RPH3AL: variants seen among roughly 807,000 people sequenced by gnomAD.
RPH3AL encodes the protein rab effector Noc2.
RPH3AL carries 38 observed loss-of-function variants against 43.1 expected under a neutral mutation model. That is an observed-to-expected ratio of 0.88 (90% CI 0.68 to 1.15). The LOEUF is 1.15. RPH3AL is among the 50% of genes most tolerant of loss of function. RPH3AL has a pLI of 0.00. For missense variants in RPH3AL, 462 were observed against 423.2 expected (o/e 1.09, Z -0.81); for synonymous variants, 189 against 176.3 (o/e 1.07, Z -0.57).
chr17:247,360 GGGAGGCA>G, intron 6 of RPH3AL, 75 bp from the exon 7 acceptor site: 1 of 1,422,844 alleles, frequency 7.0e-7, no homozygotes, highest in Non-Finnish European at 9.3e-7. Context: ...CCCAGATGAC[GGGAGGCA>G]GGACGCGGAG....
intron 5 of RPH3AL, among the ~76,000 whole-genome samples, chr17:313,364 G>A (rs1425577493): frequency 6.6e-6 from 1 of 152,206 alleles, no homozygotes; most frequent in Admixed American, 6.5e-5. Context: ...TCCTGACCTT[G>A]ACTGGCGAGG....
intron 5 of RPH3AL, among the ~76,000 whole-genome samples, chr17:286,941 T>TCTCTCCACCGTCAGACCTCACTCC (rs71143494): frequency 1.3e-4 from 3 of 23,290 alleles, no homozygotes; most frequent in Non-Finnish European, 3.3e-4. Flanking sequence ...CCTCGCACCC[T>TCTCTCCACCGTCAGACCTCACTCC]CTCTCTCCAC....
chr17:273,415 T>A (rs77068178), intron 6 of RPH3AL, among the ~76,000 whole-genome samples: 164 of 940 alleles, frequency 0.17, 41 homozygotes, highest in African/African-American at 0.45. Flanking sequence ...GACGTCAGGG[T>A]GAGACCCCGG....
chr17:267,285 C>A (rs1174527222), intron 6 of RPH3AL, among the ~76,000 whole-genome samples: 1 of 152,226 alleles, frequency 6.6e-6, no homozygotes. Context: ...CTTTGGAGCC[C>A]CAGTACTGAG....
intron 2 of RPH3AL, among the ~76,000 whole-genome samples, chr17:329,497 T>C (rs1416449303): frequency 6.6e-6 from 1 of 152,152 alleles, no homozygotes; most frequent in East Asian, 1.9e-4. Flanking sequence ...TAGATATACA[T>C]ATATTCTTGA....
At chr17:340,194 T>TCCAAAGGCCCC (rs1029870634) in intron 1 of RPH3AL, among the ~76,000 whole-genome samples, 5 of 151,972 alleles carry the variant, frequency 3.3e-5, no homozygotes, top group African/African-American at 9.7e-5. Context: ...AGACAGGCTC[T>TCCAAAGGCCCC]CCAAAGGCCC....
chr17:352,550 C>T (rs2045374908), intron 1 of RPH3AL, 162 bp downstream of exon 1: 1 of 152,204 alleles, frequency 6.6e-6, no homozygotes, highest in Non-Finnish European at 1.5e-5. Context: ...AGCAAGTTTC[C>T]AGTCAACGAT....
Position 225,539 on chromosome 17 carries a change from T to C in RPH3AL, c.614-5803A>G, listed in dbSNP as rs1468588417. Reference sequence around the variant, plus strand: ...TTCCTGCTGGGCTCCTGGAGCAAGTTGTTCCCATGTTGCCCTTGGGGCAGC... The same window carrying C: ...TTCCTGCTGGGCTCCTGGAGCAAGTCGTTCCCATGTTGCCCTTGGGGCAGC... On this transcript the variant is annotated intron_variant, in intron 7 of 9. Coordinates refer to ENST00000331302, the MANE Select transcript of RPH3AL (RefSeq NM_006987.4). This position sits in a 1 kb window ranked among gnomAD's most constrained non-coding sequence, Gnocchi z 4.4. 6.6e-6 allele frequency among the ~76,000 whole-genome samples: 1 copy of C among 152,130 alleles called. No homozygotes were observed. The highest frequency in any genetic ancestry group is 6.5e-5 in the Admixed American group (1 of 15,280).
Position 237,883 on chromosome 17 carries a change from C to T in RPH3AL, c.613+9228G>A, listed in dbSNP as rs550565621. 3.9e-5 allele frequency among the ~76,000 whole-genome samples: 6 copies of T among 152,310 alleles called. No homozygotes were observed. In the South Asian group the frequency reaches 1.2e-3, roughly 32 times the overall value. On this transcript the variant is annotated intron_variant, in intron 7 of 9. Transcript: ENST00000331302. ...ACACAGCAGGCCGGGTGCGGTGGCT[C>T]ATGCCTGTAGTACCAGAATTTTGGG...
rs556588229 is a variant in RPH3AL at position 235,878 on chromosome 17, C to G, written c.613+11233G>C. ...GGTTCAAAGCTGGGGTCGGCCGAGG[C>G]TCTGCAGTAACAAGAGGGATACAGG... On this transcript the variant is annotated intron_variant, in intron 7 of 9. Coordinates refer to ENST00000331302, the MANE Select transcript of RPH3AL (RefSeq NM_006987.4). Among the ~76,000 whole-genome samples, 240 of 144,194 alleles carry G rather than the reference C, an allele frequency of 1.7e-3. 3 individuals are homozygous for G. The highest frequency in any genetic ancestry group is 5.8e-3 in the African/African-American group (231 of 39,624). The allele number at this position is 144,194 out of a possible 152,430, so 94.6% of individuals were successfully genotyped here. A position where few individuals can be genotyped will look rare whatever the true frequency, so the allele number is the denominator to read the frequency against.
chr17:259,114 C>T (rs887240073), intron 6 of RPH3AL, among the ~76,000 whole-genome samples: 15 of 152,136 alleles, frequency 9.9e-5, no homozygotes, highest in Admixed American at 2.6e-4. Flanking sequence ...GGCCTCGCTC[C>T]GATTCTCTCC....
rs894038783 is a variant in RPH3AL, at chr17:264,071, T to G, written c.439-16786A>C. Among the ~76,000 whole-genome samples the G allele has an allele frequency of 2.0e-5, 3 of 152,208 alleles. No individual in the cohort carries two copies. Among genetic ancestry groups the G allele is most frequent in the Non-Finnish European group, 2.9e-5 (2 of 68,032 alleles). On this transcript the variant is annotated intron_variant, in intron 6 of 9. Coordinates refer to ENST00000331302, the MANE Select transcript of RPH3AL (RefSeq NM_006987.4). This position sits in a 1 kb window ranked among gnomAD's most constrained non-coding sequence, Gnocchi z 4.8. ...TGATCAGATTTCAAAGCCACGATTT[T>G]GGCCGCGTGCGACAAGCCGGACTCT...
chr17:220,080 C>T (rs1056803906), intron 7 of RPH3AL, among the ~76,000 whole-genome samples: 8 of 149,858 alleles, frequency 5.3e-5, no homozygotes, highest in East Asian at 1.9e-4. Flanking sequence ...TGATTATCAC[C>T]GTGATGCAGG....
chr17:231,762 C>T (rs1034179601), intron 7 of RPH3AL, among the ~76,000 whole-genome samples: 1 of 152,230 alleles, frequency 6.6e-6, no homozygotes, highest in Middle Eastern at 3.2e-3. Context: ...GCAAGGGGCC[C>T]GCAGATGTCA....
At chr17:263,626 C>T (rs1019303642) in intron 6 of RPH3AL, among the ~76,000 whole-genome samples, 1 of 152,186 alleles carries the variant, frequency 6.6e-6, no homozygotes, top group Non-Finnish European at 1.5e-5. Context: ...TCGGTCTGCA[C>T]GGTAGGTCGA....
chr17:244,644 G>A (rs548795781), intron 7 of RPH3AL, among the ~76,000 whole-genome samples: 14 of 152,230 alleles, frequency 9.2e-5, no homozygotes, highest in Middle Eastern at 3.4e-3. Flanking sequence ...CACAGCCTCC[G>A]AGTATCTCCT....
At chr17:282,268 TAC>T (rs2042799411) in intron 5 of RPH3AL, among the ~76,000 whole-genome samples, 1 of 152,204 alleles carries the variant, frequency 6.6e-6, no homozygotes, top group South Asian at 2.1e-4. Flanking sequence ...CAAAGAAACA[TAC>T]GTTTGCGTAT....
At chr17:271,360 C>T (rs1019622348) in intron 6 of RPH3AL, among the ~76,000 whole-genome samples, 3 of 152,146 alleles carry the variant, frequency 2.0e-5, no homozygotes, top group Non-Finnish European at 4.4e-5. Context: ...TACAAATTAC[C>T]TTGGGCAGTA....
chr17:242,875 C>T lies in RPH3AL; in HGVS notation c.613+4236G>A, dbSNP rs1296284261. Among the ~76,000 whole-genome samples, 1,011 of 126,376 alleles carry T rather than the reference C, an allele frequency of 8.0e-3. 4 individuals are homozygous for T. Among genetic ancestry groups the T allele is most frequent in the African/African-American group, 0.03 (960 of 31,872 alleles). 82.9% of individuals were successfully genotyped at this position (126,376 alleles called of 152,430 possible). ...CCTTCCTCTATTGATTACCCTTCCT[C>T]TATTGACTACCTTCCTCTATTGACT... is the stretch of plus-strand genomic sequence containing the variant. On this transcript the variant is annotated intron_variant, in intron 7 of 9. Transcript: ENST00000331302.
Sources: gnomAD v4.1 joint callset for allele counts (sites outside exome capture counted in the v4.1 genomes callset) on GRCh38, gnomAD v4.1.1 for gene constraint, Gnocchi (gnomAD v3.1) non-coding constraint, MANE v1.5 for transcripts, NCBI Gene and HGNC (gene_info 2026-07-23, HGNC 2026-07-21) for gene names.